Variants in GPR160 observed in about 807,000 individuals in gnomAD.
GPR160 encodes the protein probable G protein-coupled receptor 160.
A neutral mutation model predicts 2.6 loss-of-function variants in GPR160; 2 were observed. The observed-to-expected ratio is 0.77, with a 90% CI of 0.32 to 2.44. The LOEUF is 2.44. Among genes scored for constraint, GPR160 ranks in the 30% most tolerant of loss-of-function variants. The pLI is 0.11. For synonymous variants in GPR160, 130 were observed against 132.2 expected (o/e 0.98, Z 0.12); for missense variants, 351 against 383.6 (o/e 0.91, Z 0.71).
chr3:170,049,957 C>T (rs1447014838), intron 2 of GPR160: 2 of 152,368 alleles, frequency 1.3e-5, no homozygotes, highest in African/African-American at 4.8e-5. Context: ...TTTTGCTTCA[C>T]GAGTCTGAGA....
chr3:170,039,537 T>A (rs1716356449), intron 2 of GPR160, among the ~76,000 whole-genome samples: 1 of 152,060 alleles, frequency 6.6e-6, no homozygotes, highest in South Asian at 2.1e-4. Flanking sequence ...GGTGAAACCC[T>A]TCTCTACTAA....
At chr3:170,040,313 A>G (rs1018032853) in intron 2 of GPR160, among the ~76,000 whole-genome samples, 12 of 152,296 alleles carry the variant, frequency 7.9e-5, no homozygotes, top group Non-Finnish European at 1.3e-4. Context: ...GCTTTTTTGC[A>G]TAAGGTAGGT....
At chr3:170,046,704 T>C (rs1342327256) in intron 2 of GPR160, among the ~76,000 whole-genome samples, 1 of 152,188 alleles carries the variant, frequency 6.6e-6, no homozygotes, top group East Asian at 1.9e-4. Flanking sequence ...TTATTTAATA[T>C]TTTATAGTTC....
chr3:170,065,325 T>C (rs1177179938), intron 2 of GPR160, among the ~76,000 whole-genome samples: 1 of 152,238 alleles, frequency 6.6e-6, no homozygotes, highest in Non-Finnish European at 1.5e-5. Context: ...AATCTTTTGG[T>C]ATGTTCAAAG....
intron 2 of GPR160, among the ~76,000 whole-genome samples, chr3:170,040,516 C>G (rs1716402759): frequency 6.6e-6 from 1 of 152,150 alleles, no homozygotes; most frequent in Non-Finnish European, 1.5e-5. Flanking sequence ...CAAGTTGATG[C>G]AGGTGGAGGC....
intron 2 of GPR160, among the ~76,000 whole-genome samples, chr3:170,056,572 A>G (rs1243379771): frequency 6.6e-6 from 1 of 152,236 alleles, no homozygotes; most frequent in Non-Finnish European, 1.5e-5. Context: ...ATAAGTCATC[A>G]TTTAACCTTT....
In GPR160 at chr3:170,041,463, G is replaced by A. The variant is rs2241298; in HGVS notation, c.-193+2420G>A. 4.3e-3 allele frequency among the ~76,000 whole-genome samples: 658 copies of A among 152,156 alleles called. 16 individuals are homozygous for A. The East Asian group carries it at 0.083, about 19-fold the overall frequency. Reference sequence around the variant, plus strand: ...ACTACAGGCGCCCGCCACCACGCCCGGCTAATTTTTAGTAGAGACGGGGTT... The same window carrying A: ...ACTACAGGCGCCCGCCACCACGCCCAGCTAATTTTTAGTAGAGACGGGGTT... On this transcript the variant is annotated intron_variant, in intron 2 of 3. Coordinates refer to ENST00000355897, the MANE Select transcript of GPR160 (RefSeq NM_014373.3).
intron 2 of GPR160, chr3:170,057,856 G>C (rs1439852743): frequency 1.3e-5 from 2 of 152,274 alleles, no homozygotes; most frequent in African/African-American, 4.8e-5. Context: ...AGCTGCCTGG[G>C]AAGGGAGAGA....
intron 2 of GPR160, among the ~76,000 whole-genome samples, chr3:170,073,966 G>A (rs942958860): frequency 2.9e-5 from 4 of 138,786 alleles, no homozygotes; most frequent in Non-Finnish European, 6.0e-5. Context: ...TCGGCTCACT[G>A]CAAGCTCCGC....
intron 2 of GPR160, among the ~76,000 whole-genome samples, chr3:170,041,475 G>A (rs1716450321): frequency 6.6e-6 from 1 of 151,968 alleles, no homozygotes; most frequent in African/African-American, 2.4e-5. Flanking sequence ...CTAATTTTTA[G>A]TAGAGACGGG....
chr3:170,045,447 A>C (rs11707240), intron 2 of GPR160, among the ~76,000 whole-genome samples: 28,014 of 117,132 alleles, frequency 0.24, 3,732 homozygotes, highest in East Asian at 0.46. Context: ...AAAAAAAAAA[A>C]CCAATTAGCC....
At chr3:170,044,421 G>A (rs1327761191) in intron 2 of GPR160, among the ~76,000 whole-genome samples, 3 of 151,572 alleles carry the variant, frequency 2.0e-5, no homozygotes, top group Non-Finnish European at 4.4e-5. Context: ...TCTGTCAGAC[G>A]AATACAAGCC....
intron 2 of GPR160, among the ~76,000 whole-genome samples, chr3:170,065,715 A>G (rs1211444033): frequency 6.6e-6 from 1 of 152,216 alleles, no homozygotes; most frequent in East Asian, 1.9e-4. Flanking sequence ...TTTTAAAGTA[A>G]ACTAAATACT....
chr3:170,065,443 C>G (rs1343562132), intron 2 of GPR160, among the ~76,000 whole-genome samples: 1 of 152,202 alleles, frequency 6.6e-6, no homozygotes, highest in Admixed American at 6.6e-5. Flanking sequence ...CTTCACCAAC[C>G]TCGGAATCCT....
intron 2 of GPR160, among the ~76,000 whole-genome samples, chr3:170,043,866 A>G (rs1210069554): frequency 6.6e-6 from 1 of 151,822 alleles, no homozygotes; most frequent in Non-Finnish European, 1.5e-5. Flanking sequence ...ACGATTCCCA[A>G]CGGCAATACT....
rs1712992349 is a variant in GPR160, at chr3:170,078,849, G to A, written c.-192-925G>A. Among the ~76,000 whole-genome samples the A allele has an allele frequency of 6.6e-5, 10 of 152,190 alleles. No homozygotes were observed. In the South Asian group the frequency reaches 2.1e-3, roughly 31 times the overall value. On this transcript the variant is annotated intron_variant, in intron 2 of 3. Coordinates refer to ENST00000355897, the MANE Select transcript of GPR160 (RefSeq NM_014373.3). ...GGGGGAGATGTAGATCAGTCAGAGT[G>A]GTGGGAGAAACTGTAGGGAAAGGAG...
In GPR160 at chr3:170,066,235, G is replaced by A. The variant is rs558621059; in HGVS notation, c.-192-13539G>A. Among the ~76,000 whole-genome samples the A allele has an allele frequency of 2.1e-5, 3 of 141,522 alleles. No individual in the cohort carries two copies. The East Asian group carries it at 6.4e-4, about 30-fold the overall frequency. The allele number at this position is 141,522 out of a possible 152,430, so 92.8% of individuals were successfully genotyped here. A position where few individuals can be genotyped will look rare whatever the true frequency, so the allele number is the denominator to read the frequency against. On this transcript the variant is annotated intron_variant, in intron 2 of 3. Transcript: ENST00000355897. ...GGCTCCCTGCAAGCTCTGCCTCCCG[G>A]GTTCACGCCATTCTCCTGCCTCAGC...
intron 2 of GPR160, among the ~76,000 whole-genome samples, chr3:170,063,524 A>G (rs1187391824): frequency 1.5e-5 from 2 of 133,544 alleles, no homozygotes; most frequent in African/African-American, 5.6e-5. Context: ...ACAGAGTGAG[A>G]CCATGTCTCA....
chr3:170,072,309 A>C (rs1712637652), intron 2 of GPR160, among the ~76,000 whole-genome samples: 1 of 152,020 alleles, frequency 6.6e-6, no homozygotes, highest in Non-Finnish European at 1.5e-5. Flanking sequence ...TCCTGACCTC[A>C]AGTGATCCAC....
Sources: allele counts gnomAD v4.1 joint callset (sites outside exome capture counted in the v4.1 genomes callset), GRCh38; gene constraint gnomAD v4.1.1; transcripts MANE v1.5; gene names NCBI Gene and HGNC (gene_info 2026-07-23, HGNC 2026-07-21).